Variants in LIMCH1 observed in about 807,000 individuals in gnomAD.
The protein encoded by LIMCH1 is LIM and calponin homology domains-containing protein 1.
LIMCH1 carries 113 observed loss-of-function variants against 176.5 expected under a neutral mutation model. The ratio of observed to expected loss-of-function variants is 0.64; its 90% CI spans 0.55 to 0.75. LIMCH1 has a LOEUF of 0.75. LIMCH1 is among the 30% of genes least tolerant of loss of function. The probability of loss-of-function intolerance (pLI) is 0.00; values close to 1 mark genes in which losing one functional copy is unlikely to be tolerated. For synonymous variants in LIMCH1, 619 were observed against 645.9 expected, an observed-to-expected ratio of 0.96 and a Z score of 0.63; for missense variants, 1,674 against 1,814.9, an observed-to-expected ratio of 0.92 and a Z score of 1.41.
At chr4:41,428,339 A>G (rs879894626) in intron 1 of LIMCH1, among the ~76,000 whole-genome samples, 1 of 152,218 alleles carries the variant, frequency 6.6e-6, no homozygotes, top group Admixed American at 6.5e-5. Context: ...CCGTGCTATC[A>G]TGATTAAATA....
chr4:41,650,255 C>T (rs2094235074), intron 17 of LIMCH1, 138 bp from the exon 18 acceptor site: 2 of 662,270 alleles, frequency 3.0e-6, no homozygotes, highest in Non-Finnish European at 2.6e-6. Flanking sequence ...CCCATCAGAA[C>T]ATTTAAGAGA....
In LIMCH1 at chr4:41,444,514, G is replaced by A. The variant is rs1005179610; in HGVS notation, c.97-50022G>A. ...TGAACTATTTGGTTGGCGTCAGGCC[G>A]TGCCTGTGGTGTCTCTTCATTGGCC... On this transcript the variant is annotated intron_variant, in intron 1 of 26. Coordinates refer to the LIMCH1 transcript ENST00000313860. Among the ~76,000 whole-genome samples, 4 of 152,274 alleles carry A rather than the reference G, an allele frequency of 2.6e-5. No homozygotes were observed. The South Asian group carries it at 6.2e-4, about 24-fold the overall frequency.
At chr4:41,622,314 C>T (rs527988951) in intron 7 of LIMCH1, among the ~76,000 whole-genome samples, 2 of 151,974 alleles carry the variant, frequency 1.3e-5, no homozygotes, top group South Asian at 4.2e-4. Flanking sequence ...CACTAGGTAC[C>T]ATTTTTCAGA....
chr4:41,455,161 G>T (rs1258291066), intron 1 of LIMCH1, among the ~76,000 whole-genome samples: 3 of 152,144 alleles, frequency 2.0e-5, no homozygotes, highest in Non-Finnish European at 4.4e-5. Flanking sequence ...GAAAACAATA[G>T]CAGATCATTC....
chr4:41,439,488 G>C (rs149818728), intron 1 of LIMCH1, among the ~76,000 whole-genome samples: 1 of 152,260 alleles, frequency 6.6e-6, no homozygotes, highest in African/African-American at 2.4e-5. Flanking sequence ...GGAAGCTGAA[G>C]TTGGAGGATT....
Position 41,680,027 on chromosome 4 carries a change from G to A in LIMCH1, c.3541G>A (p.Asp1181Asn), listed in dbSNP as rs1714388471. 3 of 1,610,328 alleles carry A rather than the reference G, an allele frequency of 1.9e-6. No individual in the cohort carries two copies. Among genetic ancestry groups the A allele is most frequent in the African/African-American group, 1.3e-5 (1 of 74,902 alleles). Residue 1181 changes from aspartate (D) to asparagine (N), a missense_variant, in exon 24 of 32, where the codon GAC becomes AAC. Asp to Asn is a conservative substitution (Grantham distance 23). This residue lies in a region of LIMCH1 where 1,015 missense variants were observed against 1,102.5 expected (regional missense o/e 0.92). Coordinates refer to ENST00000503057, the MANE Select transcript of LIMCH1 (RefSeq NM_001330672.2). ...LLQERYQKEQDKLKEEWEKAQ... is the reference protein window; with the variant it reads ...LLQERYQKEQNKLKEEWEKAQ... Reference sequence around the variant, plus strand: ...ACAGGAGAGATACCAGAAGGAGCAGGACAAGCTGAAAGAAGAGTGGGAAAA... The same window carrying A: ...ACAGGAGAGATACCAGAAGGAGCAGAACAAGCTGAAAGAAGAGTGGGAAAA...
chr4:41,633,618 G>C lies in LIMCH1; in HGVS notation c.1900G>C (p.Ala634Pro). 1 of 1,536,186 alleles carries C rather than the reference G, an allele frequency of 6.5e-7. No individual in the cohort carries two copies. Among genetic ancestry groups the C allele is most frequent in the Non-Finnish European group, 8.7e-7 (1 of 1,146,930 alleles). Residue 634 changes from alanine (A) to proline (P), a missense_variant, in exon 13 of 32, where the codon GCC becomes CCC. Coordinates refer to ENST00000503057, the MANE Select transcript of LIMCH1 (RefSeq NM_001330672.2). ...GAAGTTGGAGAAGATGACAGCTCCTGCCTGGAGTGGCAGTGGACTGAAAGG... is the reference window on the plus strand; with the variant it reads ...GAAGTTGGAGAAGATGACAGCTCCTCCCTGGAGTGGCAGTGGACTGAAAGG... ...EEKLEKMTAPAWSGSGLKGQR... is the reference protein window; with the variant it reads ...EEKLEKMTAPPWSGSGLKGQR...
intron 14 of LIMCH1, among the ~76,000 whole-genome samples, chr4:41,643,576 C>T (rs949935649): frequency 1.3e-5 from 2 of 152,106 alleles, no homozygotes; most frequent in African/African-American, 4.8e-5. Context: ...ACAAAAAAGG[C>T]CCTATGGTCT....
In LIMCH1 at chr4:41,662,943, A is replaced by G. The variant is rs2094679417; in HGVS notation, c.3250A>G (p.Asn1084Asp). ...SEEKDQKKPE[N>D]EMSGKVELVL... Reference sequence around the variant, plus strand: ...AGAAAAAGACCAGAAGAAACCAGAAAATGAAATGAGTGGAAAGGTGGAGTT... The same window carrying G: ...AGAAAAAGACCAGAAGAAACCAGAAGATGAAATGAGTGGAAAGGTGGAGTT... The change falls in exon 20 of 32, where the codon AAT becomes GAT. Residue 1084 changes from asparagine (N) to aspartate (D), a missense_variant. This residue lies in a region of LIMCH1 where 1,015 missense variants were observed against 1,102.5 expected (regional missense o/e 0.92). Coordinates refer to ENST00000503057, the MANE Select transcript of LIMCH1 (RefSeq NM_001330672.2). 6.2e-7 allele frequency: 1 copy of G among 1,613,940 alleles called. No homozygotes were observed. Among genetic ancestry groups the G allele is most frequent in the African/African-American group, 1.3e-5 (1 of 74,900 alleles).
Position 41,662,896 on chromosome 4 carries a change from A to G in LIMCH1, c.3203A>G (p.Gln1068Arg). The change falls in exon 20 of 32, where the codon CAG (glutamine) becomes CGG (arginine). Residue 1068 changes from glutamine to arginine, a missense_variant. This residue lies in a region of LIMCH1 where 1,015 missense variants were observed against 1,102.5 expected (regional missense o/e 0.92). Coordinates refer to ENST00000503057, the MANE Select transcript of LIMCH1 (RefSeq NM_001330672.2). ...VAFVEFPSSP[Q>R]LKNDVSEEKD... ...TTTGTGGAATTTCCCTCCAGCCCCCAGCTGAAGAATGATGTGTCGGAAGAA... is the reference window on the plus strand; with the variant it reads ...TTTGTGGAATTTCCCTCCAGCCCCCGGCTGAAGAATGATGTGTCGGAAGAA... 1 of 1,614,052 alleles carries G rather than the reference A, an allele frequency of 6.2e-7. No individual in the cohort carries two copies. Among genetic ancestry groups the G allele is most frequent in the Non-Finnish European group, 8.5e-7 (1 of 1,179,976 alleles).
At chr4:41,407,181 GA>G (rs371544047) in intron 1 of LIMCH1, among the ~76,000 whole-genome samples, 5,431 of 150,194 alleles carry the variant, frequency 0.036, 119 homozygotes, top group Middle Eastern at 0.051. Context: ...ATAGGTAAAA[GA>G]AAAAAAAAAT....
At chr4:41,674,691 T>C (rs1303452296) in intron 22 of LIMCH1, among the ~76,000 whole-genome samples, 2 of 152,220 alleles carry the variant, frequency 1.3e-5, no homozygotes, top group Non-Finnish European at 2.9e-5. Flanking sequence ...TTAAACGTGC[T>C]CAAAACATTA....
Position 41,360,789 on chromosome 4 carries a change from A to ACGG in LIMCH1, c.-44_-42dup. On this transcript the variant is annotated 5_prime_UTR_variant, in exon 1 of 27. Coordinates refer to the LIMCH1 transcript ENST00000313860. This position sits in a 1 kb window ranked among gnomAD's most constrained non-coding sequence, Gnocchi z 4.5. ...CGGGGAGCGCGCTCCTGCGGCGGCG[A>ACGG]CGGCGGCGGCCGTCCTCATCCCGGC... 2.1e-6 allele frequency: 3 copies of ACGG among 1,398,866 alleles called. No individual in the cohort carries two copies. The highest frequency in any genetic ancestry group is 1.9e-6 in the Non-Finnish European group (2 of 1,041,206). The allele number at this position is 1,398,866 out of a possible 1,614,324, so 86.7% of individuals were successfully genotyped here.
intron 1 of LIMCH1, among the ~76,000 whole-genome samples, chr4:41,417,906 A>G (rs1242098886): frequency 6.6e-6 from 1 of 152,342 alleles, no homozygotes; most frequent in East Asian, 1.9e-4. Flanking sequence ...AAATAAAGCA[A>G]TAAATGATCA....
intron 3 of LIMCH1, among the ~76,000 whole-genome samples, chr4:41,525,748 A>G (rs1444253414): frequency 6.6e-6 from 1 of 151,998 alleles, no homozygotes; most frequent in African/African-American, 2.4e-5. Context: ...ATTATATATC[A>G]GTGTATACAT....
chr4:41,467,351 A>AT (rs1202423004), intron 1 of LIMCH1, among the ~76,000 whole-genome samples: 4 of 152,154 alleles, frequency 2.6e-5, no homozygotes, highest in Non-Finnish European at 4.4e-5. Flanking sequence ...GTTCGTTCTC[A>AT]TGCTGTTAAT....
intron 14 of LIMCH1, 77 bp from the exon 15 acceptor site, chr4:41,644,423 G>A (rs1359423944): frequency 7.1e-7 from 1 of 1,406,418 alleles, no homozygotes; most frequent in African/African-American, 1.5e-5. Flanking sequence ...GCCCCCACGC[G>A]GCAGGACGCC....
At chr4:41,677,267 C>T (rs1240474434) in intron 23 of LIMCH1, among the ~76,000 whole-genome samples, 5 of 151,410 alleles carry the variant, frequency 3.3e-5, no homozygotes, top group African/African-American at 1.2e-4. Flanking sequence ...CAAAATTAGC[C>T]GGGCGTGGTG....
chr4:41,554,475 G>A (rs970987395), intron 1 of LIMCH1, among the ~76,000 whole-genome samples: 2 of 152,134 alleles, frequency 1.3e-5, no homozygotes, highest in African/African-American at 2.4e-5. Context: ...TTCCTAAAAT[G>A]TGCACTCAGA....
Sources: gnomAD v4.1 joint callset for allele counts (sites outside exome capture counted in the v4.1 genomes callset) on GRCh38, gnomAD v4.1.1 for gene constraint, gnomAD v4.1.1 regional missense constraint, Gnocchi (gnomAD v3.1) non-coding constraint, MANE v1.5 for transcripts, NCBI Gene and HGNC (gene_info 2026-07-23, HGNC 2026-07-21) for gene names.